Variants in LMX1A observed in about 807,000 individuals in gnomAD.
LMX1A encodes the protein LIM homeobox transcription factor 1 alpha, also known as LIM homeobox transcription factor 1-alpha.
LMX1A carries 15 observed loss-of-function variants against 49.1 expected under a neutral mutation model. The ratio of observed to expected loss-of-function variants is 0.31; its 90% CI spans 0.20 to 0.47. LMX1A has a LOEUF of 0.47. LMX1A is among the 20% of genes least tolerant of loss of function. The pLI, the probability that LMX1A is intolerant of heterozygous loss-of-function variation, is 1.00. For synonymous variants in LMX1A, 167 were observed against 185.7 expected, an observed-to-expected ratio of 0.90 and a Z score of 0.82; for missense variants, 372 against 475.8, an observed-to-expected ratio of 0.78 and a Z score of 2.03.
intron 8 of LMX1A, among the ~76,000 whole-genome samples, chr1:165,205,023 A>G (rs1381343240): frequency 6.6e-6 from 1 of 152,188 alleles, no homozygotes; most frequent in African/African-American, 2.4e-5. Flanking sequence ...GCAAAAAAAA[A>G]AGTTGTTTGG....
chr1:165,334,577 C>T (rs1655844308), intron 3 of LMX1A, among the ~76,000 whole-genome samples: 1 of 152,156 alleles, frequency 6.6e-6, no homozygotes, highest in Non-Finnish European at 1.5e-5. Context: ...ACATACCCTG[C>T]CACTATTTCA....
chr1:165,325,211 C>T (rs539758677), intron 3 of LMX1A, among the ~76,000 whole-genome samples: 1 of 152,286 alleles, frequency 6.6e-6, no homozygotes, highest in Admixed American at 6.5e-5. Context: ...GTTAGAAGAT[C>T]TCTATCTGGC....
rs1032449517 is a variant in LMX1A at position 165,235,528 on chromosome 1, C to T, written c.496+13880G>A. On this transcript the variant is annotated intron_variant, in intron 4 of 8. Transcript: ENST00000342310. ...GCCAGCGGAGAGCCTTTGGATTTACCGTGGCATTACTTTTAATTAACTCTG... is the reference window on the plus strand; with the variant it reads ...GCCAGCGGAGAGCCTTTGGATTTACTGTGGCATTACTTTTAATTAACTCTG... Among the ~76,000 whole-genome samples, 4 of 152,188 alleles carry T rather than the reference C, an allele frequency of 2.6e-5. No homozygotes were observed. In the East Asian group the frequency reaches 7.7e-4, roughly 29 times the overall value.
intron 3 of LMX1A, among the ~76,000 whole-genome samples, chr1:165,324,555 C>T (rs1376593458): frequency 6.6e-6 from 1 of 151,932 alleles, no homozygotes; most frequent in African/African-American, 2.4e-5. Flanking sequence ...GGAGGACAAA[C>T]GTAAAGCAAA....
intron 4 of LMX1A, among the ~76,000 whole-genome samples, chr1:165,221,610 G>C (rs1651847175): frequency 6.6e-6 from 1 of 152,282 alleles, no homozygotes; most frequent in South Asian, 2.1e-4. Context: ...GGCAGGGGGA[G>C]GGACCGGGCA....
chr1:165,273,097 C>A (rs922196902), intron 3 of LMX1A, among the ~76,000 whole-genome samples: 1 of 152,174 alleles, frequency 6.6e-6, no homozygotes, highest in Non-Finnish European at 1.5e-5. Context: ...CTGGCTCAGG[C>A]AAGAGCACTA....
chr1:165,326,205 G>T (rs1040570396), intron 3 of LMX1A, among the ~76,000 whole-genome samples: 2 of 152,210 alleles, frequency 1.3e-5, no homozygotes, highest in Non-Finnish European at 2.9e-5. Flanking sequence ...GGAGGGGAAG[G>T]GGGGTAGATG....
chr1:165,203,569 G>C lies in LMX1A; in HGVS notation c.*311C>G. 4.7e-6 allele frequency: 1 copy of C among 212,216 alleles called. No homozygotes were observed. Among genetic ancestry groups the C allele is most frequent in the Non-Finnish European group, 9.7e-6 (1 of 103,608 alleles). The allele number at this position is 212,216 out of a possible 1,614,324, so 13.1% of individuals were successfully genotyped here. On this transcript the variant is annotated 3_prime_UTR_variant, in exon 9 of 9. Transcript: ENST00000342310. ...GACAAGAGCTTCCCCGACATGGTGGGAAGTTGTTAGGAGTCCCTAAGTATC... is the reference window on the plus strand; with the variant it reads ...GACAAGAGCTTCCCCGACATGGTGGCAAGTTGTTAGGAGTCCCTAAGTATC...
intron 3 of LMX1A, among the ~76,000 whole-genome samples, chr1:165,351,711 G>A (rs1372303862): frequency 1.3e-5 from 2 of 152,158 alleles, no homozygotes; most frequent in East Asian, 1.9e-4. Context: ...GCAAAAAAGC[G>A]GAGTGGCAGA....
At chr1:165,279,634 A>G (rs1253923844) in intron 3 of LMX1A, among the ~76,000 whole-genome samples, 2 of 152,168 alleles carry the variant, frequency 1.3e-5, no homozygotes, top group African/African-American at 2.4e-5. Context: ...CCAGGACAAC[A>G]TTATTCATTT....
intron 3 of LMX1A, among the ~76,000 whole-genome samples, chr1:165,290,537 G>A (rs976214106): frequency 1.1e-4 from 16 of 152,030 alleles, no homozygotes; most frequent in East Asian, 3.9e-4. Context: ...CCAGGATTAC[G>A]CCCTCATCTC....
At chr1:165,317,593 C>T (rs1405850704) in intron 3 of LMX1A, among the ~76,000 whole-genome samples, 1 of 152,194 alleles carries the variant, frequency 6.6e-6, no homozygotes, top group Non-Finnish European at 1.5e-5. Context: ...GTCCAGCCCC[C>T]AAATGTGAAG....
chr1:165,320,482 A>G (rs1317418744), intron 3 of LMX1A, among the ~76,000 whole-genome samples: 1 of 152,160 alleles, frequency 6.6e-6, no homozygotes, highest in Admixed American at 6.5e-5. Context: ...AGAAGGAAGA[A>G]TGAGAGAAAA....
intron 3 of LMX1A, among the ~76,000 whole-genome samples, chr1:165,283,107 T>C (rs1271508482): frequency 6.6e-6 from 1 of 152,260 alleles, no homozygotes; most frequent in East Asian, 1.9e-4. Context: ...TGACAGGCTG[T>C]GTAGACAATG....
At chr1:165,222,049 C>T (rs963073122) in intron 4 of LMX1A, among the ~76,000 whole-genome samples, 5 of 152,010 alleles carry the variant, frequency 3.3e-5, no homozygotes, top group African/African-American at 1.2e-4. Context: ...CAAATGTAGT[C>T]CAAACTGATA....
intron 4 of LMX1A, among the ~76,000 whole-genome samples, chr1:165,224,725 C>T (rs570615906): frequency 6.6e-5 from 10 of 152,308 alleles, no homozygotes; most frequent in Admixed American, 2.0e-4. Flanking sequence ...ACTGGCAATG[C>T]GTTGCACAAA....
chr1:165,225,401 T>A (rs1019768338), intron 4 of LMX1A, among the ~76,000 whole-genome samples: 1 of 152,258 alleles, frequency 6.6e-6, no homozygotes, highest in African/African-American at 2.4e-5. Context: ...TATTTATGGT[T>A]ATTTCCCTTA....
chr1:165,316,494 C>T (rs1571219126), intron 3 of LMX1A, among the ~76,000 whole-genome samples: 1 of 152,126 alleles, frequency 6.6e-6, no homozygotes, highest in Admixed American at 6.5e-5. Flanking sequence ...ATGATGGGCA[C>T]CCTTGGCAGT....
At chr1:165,293,242 C>T (rs1340582240) in intron 3 of LMX1A, among the ~76,000 whole-genome samples, 1 of 152,134 alleles carries the variant, frequency 6.6e-6, no homozygotes, top group Non-Finnish European at 1.5e-5. Context: ...CTGAGTGTTC[C>T]TTCAATTTGA....
Sources: gnomAD v4.1 joint callset for allele counts (sites outside exome capture counted in the v4.1 genomes callset) on GRCh38, gnomAD v4.1.1 for gene constraint, MANE v1.5 for transcripts, NCBI Gene and HGNC (gene_info 2026-07-23, HGNC 2026-07-21) for gene names.